Variants in TIPIN observed in about 807,000 individuals in gnomAD.
TIPIN encodes the protein TIMELESS interacting protein.
Under a neutral mutation model 35.6 loss-of-function variants are expected in TIPIN, and 29 were observed. The observed-to-expected ratio is 0.82, with a 90% CI of 0.61 to 1.11. The LOEUF (loss-of-function observed/expected upper bound fraction) is 1.11, where lower values mean the gene tolerates loss of function less well. Among genes scored for constraint, TIPIN ranks in the 50% most tolerant of loss-of-function variants. The pLI is 0.00. For missense variants in TIPIN, 296 were observed against 345.4 expected, an observed-to-expected ratio of 0.86 and a Z score of 1.13; for synonymous variants, 102 against 121.5, an observed-to-expected ratio of 0.84 and a Z score of 1.06.
upstream of TIPIN, among the ~76,000 whole-genome samples, chr15:66,361,348 C>T (rs1334811185): frequency 1.3e-5 from 2 of 150,890 alleles, no homozygotes; most frequent in African/African-American, 4.9e-5. Context: ...CTCCGCTTCC[C>T]GGGTTCACAC....
upstream of TIPIN, among the ~76,000 whole-genome samples, chr15:66,359,506 G>A (rs535315814): frequency 1.4e-4 from 21 of 151,914 alleles, no homozygotes; most frequent in South Asian, 4.2e-4. Flanking sequence ...CACCATTCCC[G>A]GCTAATTTTT....
chr15:66,376,862 A>G (rs2093298709), intron 1 of TIPIN, among the ~76,000 whole-genome samples: 1 of 151,422 alleles, frequency 6.6e-6, no homozygotes, highest in East Asian at 2.0e-4. Flanking sequence ...TAATCCCAAC[A>G]CTTTGGGAGG....
upstream of TIPIN, among the ~76,000 whole-genome samples, chr15:66,359,424 C>G (rs1337832977): frequency 1.3e-5 from 2 of 151,952 alleles, no homozygotes; most frequent in African/African-American, 4.8e-5. Context: ...TGGCTCACTG[C>G]AGCCTCAATC....
chr15:66,359,500 A>AT (rs1477921349), upstream of TIPIN, among the ~76,000 whole-genome samples: 2 of 151,964 alleles, frequency 1.3e-5, no homozygotes, highest in African/African-American at 2.4e-5. Flanking sequence ...AGGCACCACC[A>AT]TTCCCGGCTA....
At position 66,336,951 on chromosome 15, in the gene TIPIN, T is replaced by A; in HGVS notation, c.*7A>T. The A allele has an allele frequency of 6.2e-7, 1 of 1,605,920 alleles. No homozygotes were observed. The highest frequency in any genetic ancestry group is 8.5e-7 in the Non-Finnish European group (1 of 1,173,968). ...ACTTAACAGATACATTTTCTCTTAA[T>A]GGAAACTTATCTAGCTTCAGTAATA... is the stretch of plus-strand genomic sequence containing the variant. On this transcript the variant is annotated 3_prime_UTR_variant, in exon 8 of 8. Transcript: ENST00000261881.
chr15:66,374,929 C>T (rs141613674), intron 1 of TIPIN, among the ~76,000 whole-genome samples: 1,639 of 152,156 alleles, frequency 0.011, 54 homozygotes, highest in Admixed American at 0.063. Context: ...AGGATGGTCT[C>T]GAACTCCTGA....
At chr15:66,343,136 T>C (rs925022424) in intron 6 of TIPIN, among the ~76,000 whole-genome samples, 4 of 152,190 alleles carry the variant, frequency 2.6e-5, no homozygotes, top group Non-Finnish European at 5.9e-5. Context: ...GATTTCATCT[T>C]ACTAATTTAA....
intron 1 of TIPIN, among the ~76,000 whole-genome samples, chr15:66,365,581 CT>C (rs1206126062): frequency 6.6e-6 from 1 of 152,162 alleles, no homozygotes; most frequent in Non-Finnish European, 1.5e-5. Flanking sequence ...GAGTTTAGCT[CT>C]GTCGCCCAGG....
rs551118517 is a variant in TIPIN, at chr15:66,347,273, T to G, written c.475+1787A>C. ...GACCCTGTCGGCAGGAACCATCTGT[T>G]TTAATGTGTGTGACTGTCTATGGTT... On this transcript the variant is annotated intron_variant, in intron 6 of 7. Coordinates refer to ENST00000261881, the MANE Select transcript of TIPIN (RefSeq NM_017858.3). The G allele has an allele frequency of 4.8e-4, 250 of 518,476 alleles. 1 individual carries two copies. Among genetic ancestry groups the G allele is most frequent in the South Asian group, 3.4e-3 (243 of 71,430 alleles). 32.1% of individuals were successfully genotyped at this position (518,476 alleles called of 1,614,324 possible).
At chr15:66,351,623 A>T (rs1212289345) in intron 3 of TIPIN, 23 bp from the exon 4 acceptor site, 10 of 1,551,788 alleles carry the variant, frequency 6.4e-6, no homozygotes, top group Non-Finnish European at 7.0e-6. Context: ...GTATGTTTTT[A>T]ATTTCAAGTT....
upstream of TIPIN, among the ~76,000 whole-genome samples, chr15:66,357,310 A>C (rs2093210250): frequency 6.6e-6 from 1 of 152,222 alleles, no homozygotes. Context: ...ATAGTGAATA[A>C]GAAATTACCG....
intron 6 of TIPIN, among the ~76,000 whole-genome samples, chr15:66,345,481 A>G (rs753581587): frequency 6.6e-6 from 1 of 152,154 alleles, no homozygotes; most frequent in African/African-American, 2.4e-5. Context: ...TTGGGAGGCC[A>G]AGGCAGGTGG....
At chr15:66,384,043 C>A (rs1302237401) in intron 1 of TIPIN, among the ~76,000 whole-genome samples, 7 of 152,090 alleles carry the variant, frequency 4.6e-5, no homozygotes, top group African/African-American at 1.7e-4. Context: ...GTCGCCCAGG[C>A]TGGAGTGCAG....
intron 1 of TIPIN, among the ~76,000 whole-genome samples, chr15:66,366,519 C>T (rs1170529464): frequency 1.4e-5 from 2 of 147,132 alleles, no homozygotes; most frequent in South Asian, 2.1e-4. Flanking sequence ...TTTGGGAGGC[C>T]GAGTCAGGAG....
intron 1 of TIPIN, among the ~76,000 whole-genome samples, chr15:66,375,501 A>C: frequency 1.8e-4 from 1 of 5,700 alleles, no homozygotes; most frequent in African/African-American, 9.2e-4. Context: ...TGGAAAAGTT[A>C]TATATATATA....
chr15:66,365,235 T>C (rs576452423), intron 1 of TIPIN, among the ~76,000 whole-genome samples: 87 of 152,186 alleles, frequency 5.7e-4, no homozygotes, highest in African/African-American at 1.9e-3. Context: ...AAAATCAAGA[T>C]GGTGGCGAAA....
upstream of TIPIN, chr15:66,356,844 T>TA: frequency 2.2e-6 from 1 of 453,642 alleles, no homozygotes. Context: ...ATTTCCGCCC[T>TA]ACTGAATTCT....
intron 6 of TIPIN, among the ~76,000 whole-genome samples, chr15:66,346,512 C>G (rs1036402453): frequency 2.0e-4 from 31 of 152,272 alleles, no homozygotes; most frequent in Non-Finnish European, 1.2e-4. Context: ...GCATCCCACC[C>G]TGCGACCTAC....
chr15:66,367,464 G>A (rs1425432115), intron 1 of TIPIN, among the ~76,000 whole-genome samples: 2 of 151,088 alleles, frequency 1.3e-5, no homozygotes, highest in Non-Finnish European at 2.9e-5. Flanking sequence ...GCATGATCTC[G>A]GCTCACTGCA....
Sources: gnomAD v4.1 joint callset for allele counts (sites outside exome capture counted in the v4.1 genomes callset) on GRCh38, gnomAD v4.1.1 for gene constraint, MANE v1.5 for transcripts, NCBI Gene and HGNC (gene_info 2026-07-23, HGNC 2026-07-21) for gene names.